The following EGFL8 variants were observed in gnomAD, a reference collection of about 807,000 sequenced individuals.
EGFL8 encodes the protein epidermal growth factor-like protein 8.
A neutral mutation model predicts 39.4 loss-of-function variants in EGFL8; 32 were observed. The ratio of observed to expected loss-of-function variants is 0.81; its 90% CI spans 0.61 to 1.09. EGFL8 has a LOEUF of 1.09. Ranked by LOEUF, EGFL8 falls within the 50% of genes least tolerant of loss-of-function variation. The pLI, the probability that EGFL8 is intolerant of heterozygous loss-of-function variation, is 0.00. For synonymous variants in EGFL8, 177 were observed against 168.5 expected (o/e 1.05, Z -0.39); for missense variants, 385 against 402.2 (o/e 0.96, Z 0.37).
At position 32,164,676 on chromosome 6, in the gene EGFL8, A is replaced by ACT; in HGVS notation, c.-29+19_-29+20insCT. The ACT allele has an allele frequency of 1.4e-6, 1 of 715,948 alleles. No individual in the cohort carries two copies. The highest frequency in any genetic ancestry group is 2.6e-6 in the Non-Finnish European group (1 of 384,442). The allele number at this position is 715,948 out of a possible 1,614,324, so 44.3% of individuals were successfully genotyped here. ...AAGCCAGGTGGGAATGGAGAGAGAG[A>ACT]GGAAGGCAAGTGGGGAGAGAATTTC... On this transcript the variant is annotated intron_variant, in intron 1 of 8. Coordinates refer to ENST00000333845, the MANE Select transcript of EGFL8 (RefSeq NM_030652.4). The surrounding 1 kb of genome is among the most constrained non-coding windows in gnomAD (Gnocchi z 5.4).
intron 1 of EGFL8, chr6:32,165,900 G>C (rs989551587): frequency 3.6e-6 from 2 of 561,244 alleles, no homozygotes; most frequent in East Asian, 5.5e-5. Context: ...GGTTAGAGGG[G>C]AGGTGGAGGG....
chr6:32,164,973 A>G lies in EGFL8; in HGVS notation c.-29+316A>G, dbSNP rs1411334863. On this transcript the variant is annotated intron_variant, in intron 1 of 8. Transcript: ENST00000333845. This position sits in a 1 kb window ranked among gnomAD's most constrained non-coding sequence, Gnocchi z 5.4. Reference sequence around the variant, plus strand: ...GTCGCCCAGGCTAGAGTGCAGTGGCATGATCTTGGTTCACTGCAACCTCTG... The same window carrying G: ...GTCGCCCAGGCTAGAGTGCAGTGGCGTGATCTTGGTTCACTGCAACCTCTG... Among the ~76,000 whole-genome samples the G allele has an allele frequency of 2.0e-5, 3 of 151,860 alleles. No homozygotes were observed. Among genetic ancestry groups the G allele is most frequent in the African/African-American group, 2.4e-5 (1 of 41,336 alleles).
In EGFL8 at chr6:32,164,598, A is replaced by C. The variant is rs745533512; in HGVS notation, c.-88A>C. On this transcript the variant is annotated 5_prime_UTR_variant, in exon 1 of 9. Transcript: ENST00000333845. The surrounding 1 kb of genome is among the most constrained non-coding windows in gnomAD (Gnocchi z 5.4). The stretch of plus-strand genomic sequence containing the variant: ...TCTTAGCCTGCCAGGCCCACCCACC[A>C]GTCTGAGCTGCTTCTGCTGAGGCTG... 5 of 718,438 alleles carry C rather than the reference A, an allele frequency of 7.0e-6. No individual in the cohort carries two copies. Among genetic ancestry groups the C allele is most frequent in the Non-Finnish European group, 1.3e-5 (5 of 386,044 alleles). The allele number at this position is 718,438 out of a possible 1,614,324, so 44.5% of individuals were successfully genotyped here. A position where few individuals can be genotyped will look rare whatever the true frequency, so the allele number is the denominator to read the frequency against.
chr6:32,166,715 T>C lies in EGFL8; in HGVS notation c.239T>C (p.Val80Ala). 6.2e-7 allele frequency: 1 copy of C among 1,603,770 alleles called. No homozygotes were observed. The highest frequency in any genetic ancestry group is 1.1e-5 in the South Asian group (1 of 90,328). ...ICSTYRTMYR[V>A]MWREVRREVQ... Reference sequence around the variant, plus strand: ...CTGTGTTCCAGGACCATGTACCGCGTTATGTGGCGGGAGGTGAGGCGGGAG... The same window carrying C: ...CTGTGTTCCAGGACCATGTACCGCGCTATGTGGCGGGAGGTGAGGCGGGAG... Residue 80 changes from valine (V) to alanine (A), a missense_variant, in exon 4 of 9, where the codon GTT (valine) becomes GCT (alanine). Physicochemically the swap from Val to Ala is moderately conservative, Grantham distance 64. Coordinates refer to ENST00000333845, the MANE Select transcript of EGFL8 (RefSeq NM_030652.4). The surrounding 1 kb of genome is among the most constrained non-coding windows in gnomAD (Gnocchi z 7.3).
intron 1 of EGFL8, chr6:32,165,672 T>C (rs1582636726): frequency 5.6e-6 from 1 of 177,290 alleles, no homozygotes; most frequent in East Asian, 1.4e-4. Context: ...TAATCCCAGC[T>C]ATTTGGGAGG....
Position 32,167,295 on chromosome 6 carries a change from G to T in EGFL8, c.601+38G>T. 6.2e-7 allele frequency: 1 copy of T among 1,612,202 alleles called. No homozygotes were observed. The highest frequency in any genetic ancestry group is 8.5e-7 in the Non-Finnish European group (1 of 1,179,564). On this transcript the variant is annotated intron_variant, in intron 6 of 8. Coordinates refer to ENST00000333845, the MANE Select transcript of EGFL8 (RefSeq NM_030652.4). This position sits in a 1 kb window ranked among gnomAD's most constrained non-coding sequence, Gnocchi z 6.4. ...GAGTACGGGCCACCCGAGGGACTCGGGACGGGCGTCCGGGCTCGGGTAGTG... is the reference window on the plus strand; with the variant it reads ...GAGTACGGGCCACCCGAGGGACTCGTGACGGGCGTCCGGGCTCGGGTAGTG...
chr6:32,166,858 T>C lies in EGFL8; in HGVS notation c.334+48T>C. 6.3e-7 allele frequency: 1 copy of C among 1,584,674 alleles called. No homozygotes were observed. Among genetic ancestry groups the C allele is most frequent in the Non-Finnish European group, 8.6e-7 (1 of 1,163,230 alleles). ...TTGCGGGAGGCGCGCCCCACGGAGCTGGGGAGCTGGGTCGTCGGTTTGAGT... is the reference window on the plus strand; with the variant it reads ...TTGCGGGAGGCGCGCCCCACGGAGCCGGGGAGCTGGGTCGTCGGTTTGAGT... On this transcript the variant is annotated intron_variant, in intron 4 of 8. Transcript: ENST00000333845. The surrounding 1 kb of genome is among the most constrained non-coding windows in gnomAD (Gnocchi z 7.3).
chr6:32,166,687 G>A lies in EGFL8; in HGVS notation c.225-14G>A. The A allele has an allele frequency of 1.9e-6, 3 of 1,613,258 alleles. No homozygotes were observed. Among genetic ancestry groups the A allele is most frequent in the Non-Finnish European group, 2.5e-6 (3 of 1,179,440 alleles). ...ACCCGTACTCAGGGTCCTGAGCCGG[G>A]CGCTGTGTTCCAGGACCATGTACCG... On this transcript the variant is annotated splice_polypyrimidine_tract_variant and intron_variant, in intron 3 of 8. Coordinates refer to ENST00000333845, the MANE Select transcript of EGFL8 (RefSeq NM_030652.4). The surrounding 1 kb of genome is among the most constrained non-coding windows in gnomAD (Gnocchi z 7.3).
rs1197580695 is a variant in EGFL8, at chr6:32,167,468, A to C, written c.682-35A>C. ...GCTGGGTGGGGCGAGGCCAGACGTC[A>C]CTGTCAATACCCTGAGGCATCTCTT... is the stretch of plus-strand genomic sequence containing the variant. On this transcript the variant is annotated intron_variant, in intron 7 of 8. Transcript: ENST00000333845. This position sits in a 1 kb window ranked among gnomAD's most constrained non-coding sequence, Gnocchi z 6.4. 16 of 1,611,228 alleles carry C rather than the reference A, an allele frequency of 9.9e-6. No individual in the cohort carries two copies. The highest frequency in any genetic ancestry group is 1.2e-5 in the Non-Finnish European group (14 of 1,179,998).
chr6:32,166,506 T>C lies in EGFL8; in HGVS notation c.110T>C (p.Val37Ala). 2 of 1,613,224 alleles carry C rather than the reference T, an allele frequency of 1.2e-6. No homozygotes were observed. The highest frequency in any genetic ancestry group is 1.7e-6 in the Non-Finnish European group (2 of 1,179,952). Reference protein sequence around the residue: ...KGGSLRESQGVCSKQTLVVPL... With the variant: ...KGGSLRESQGACSKQTLVVPL... ...CTCTGGCATGGACGCAGTCAGGGAG[T>C]CTGCTCCAAGCAGACACTGGTGGTC... is the stretch of plus-strand genomic sequence containing the variant. Residue 37 changes from valine (V) to alanine (A), a missense_variant, in exon 3 of 9, where the codon GTC becomes GCC. Transcript: ENST00000333845. The surrounding 1 kb of genome is among the most constrained non-coding windows in gnomAD (Gnocchi z 7.3).
rs3130347 is a variant in EGFL8, at chr6:32,166,879, T to C, written c.335-31T>C. The C allele has an allele frequency of 0.2, 320,222 of 1,592,856 alleles. 35,108 individuals are homozygous for C. Among genetic ancestry groups the C allele is most frequent in the Non-Finnish European group, 0.22 (262,080 of 1,167,784 alleles). ...GAGCTGGGGAGCTGGGTCGTCGGTT[T>C]GAGTCTGAACCCCACTTCCTCTGTC... On this transcript the variant is annotated intron_variant, in intron 4 of 8. Coordinates refer to ENST00000333845, the MANE Select transcript of EGFL8 (RefSeq NM_030652.4). This position sits in a 1 kb window ranked among gnomAD's most constrained non-coding sequence, Gnocchi z 7.3.
In EGFL8 at chr6:32,167,052, C is replaced by A; in HGVS notation, c.431-35C>A. On this transcript the variant is annotated intron_variant, in intron 5 of 8. Transcript: ENST00000333845. The surrounding 1 kb of genome is among the most constrained non-coding windows in gnomAD (Gnocchi z 6.4). ...ACCTACCCAGGTGCTTGCCCCCGCC[C>A]CCTCTCTCAGCCCCTTCCTTTTTTC... 6.2e-7 allele frequency: 1 copy of A among 1,612,976 alleles called. No individual in the cohort carries two copies. Among genetic ancestry groups the A allele is most frequent in the Non-Finnish European group, 8.5e-7 (1 of 1,180,000 alleles).
chr6:32,166,932 G>C lies in EGFL8; in HGVS notation c.357G>C (p.Leu119=), dbSNP rs1784550572. Residue 119 remains leucine (L), a synonymous_variant, in exon 5 of 9, where the codon CTG becomes CTC. Coordinates refer to ENST00000333845, the MANE Select transcript of EGFL8 (RefSeq NM_030652.4). This position sits in a 1 kb window ranked among gnomAD's most constrained non-coding sequence, Gnocchi z 7.3. ...TCEAICAKPC[L]NGGVCVRPDQ... ...CAGCCATCTGCGCCAAGCCTTGCCT[G>C]AACGGAGGCGTCTGCGTTAGGCCTG... The C allele has an allele frequency of 1.2e-6, 2 of 1,612,514 alleles. No homozygotes were observed. The highest frequency in any genetic ancestry group is 1.1e-5 in the South Asian group (1 of 90,996).
rs757859537 is a variant in EGFL8, at chr6:32,167,237, C to T, written c.581C>T (p.Ala194Val). The change falls in exon 6 of 9, where the codon GCC (alanine) becomes GTC (valine). Residue 194 changes from alanine to valine, a missense_variant. Physicochemically the swap from Ala to Val is moderately conservative, Grantham distance 64. Transcript: ENST00000333845. The surrounding 1 kb of genome is among the most constrained non-coding windows in gnomAD (Gnocchi z 6.4). ...MEGSPEPPTS[A>V]SILSVAVREA... Reference sequence around the variant, plus strand: ...GGGTCCCCAGAGCCCCCAACCAGTGCCAGCATACTCAGCGTGGCCGGTGAG... The same window carrying T: ...GGGTCCCCAGAGCCCCCAACCAGTGTCAGCATACTCAGCGTGGCCGGTGAG... 6.2e-7 allele frequency: 1 copy of T among 1,612,020 alleles called. No individual in the cohort carries two copies. Among genetic ancestry groups the T allele is most frequent in the African/African-American group, 1.3e-5 (1 of 74,934 alleles).
In EGFL8 at chr6:32,164,896, G is replaced by T. The variant is rs924139514; in HGVS notation, c.-29+239G>T. 4.0e-5 allele frequency among the ~76,000 whole-genome samples: 6 copies of T among 151,504 alleles called. No homozygotes were observed. The highest frequency in any genetic ancestry group is 7.3e-5 in the African/African-American group (3 of 41,302). On this transcript the variant is annotated intron_variant, in intron 1 of 8. Transcript: ENST00000333845. The surrounding 1 kb of genome is among the most constrained non-coding windows in gnomAD (Gnocchi z 5.4). ...ACGGTGTGAAGGTATATAGCTAGGG[G>T]TTTTTTTTGTTTGTTTGTTTTGTTT...
rs924139514 is a variant in EGFL8, at chr6:32,164,896, G to C, written c.-29+239G>C. 7.9e-5 allele frequency among the ~76,000 whole-genome samples: 12 copies of C among 151,506 alleles called. No individual in the cohort carries two copies. Among genetic ancestry groups the C allele is most frequent in the Admixed American group, 7.9e-4 (12 of 15,166 alleles). ...ACGGTGTGAAGGTATATAGCTAGGG[G>C]TTTTTTTTGTTTGTTTGTTTTGTTT... On this transcript the variant is annotated intron_variant, in intron 1 of 8. Coordinates refer to ENST00000333845, the MANE Select transcript of EGFL8 (RefSeq NM_030652.4). This position sits in a 1 kb window ranked among gnomAD's most constrained non-coding sequence, Gnocchi z 5.4.
Position 32,166,214 on chromosome 6 carries a change from C to G in EGFL8, c.49C>G (p.Leu17Val). 6.2e-7 allele frequency: 1 copy of G among 1,614,142 alleles called. No homozygotes were observed. Among genetic ancestry groups the G allele is most frequent in the South Asian group, 1.1e-5 (1 of 91,086 alleles). The change falls in exon 2 of 9, where the codon CTC becomes GTC. Residue 17 changes from leucine to valine, a missense_variant. Leu to Val is a conservative substitution (Grantham distance 32). Coordinates refer to ENST00000333845, the MANE Select transcript of EGFL8 (RefSeq NM_030652.4). This position sits in a 1 kb window ranked among gnomAD's most constrained non-coding sequence, Gnocchi z 7.3. ...LCTLLGGFSF[L>V]LLLIPGEGAK... Reference sequence around the variant, plus strand: ...CACTCTCTTAGGCGGATTCTCCTTCCTCCTGCTACTGATACCAGGCGAGGG... The same window carrying G: ...CACTCTCTTAGGCGGATTCTCCTTCGTCCTGCTACTGATACCAGGCGAGGG...
Position 32,167,417 on chromosome 6 carries a change from G to C in EGFL8, c.669G>C (p.Glu223Asp), listed in dbSNP as rs1411920564. Residue 223 changes from glutamate (E) to aspartate (D), a missense_variant, in exon 7 of 9, where the codon GAG becomes GAC. Coordinates refer to ENST00000333845, the MANE Select transcript of EGFL8 (RefSeq NM_030652.4). This position sits in a 1 kb window ranked among gnomAD's most constrained non-coding sequence, Gnocchi z 6.4. ...QEIHELRGRL[E>D]RLEQWAGQAG... ...TTCACGAGCTGCGAGGGCGCCTGGA[G>C]CGGCTGGAGCAGGTGAGCCAAGCCT... is the stretch of plus-strand genomic sequence containing the variant. The C allele has an allele frequency of 6.2e-7, 1 of 1,612,808 alleles. No individual in the cohort carries two copies.
rs568874520 is a variant in EGFL8, at chr6:32,164,792, G to A, written c.-29+135G>A. 2.9e-4 allele frequency: 184 copies of A among 635,294 alleles called. No homozygotes were observed. The highest frequency in any genetic ancestry group is 4.5e-4 in the Non-Finnish European group (154 of 343,838). The allele number at this position is 635,294 out of a possible 1,614,324, so 39.4% of individuals were successfully genotyped here. A position where few individuals can be genotyped will look rare whatever the true frequency, so the allele number is the denominator to read the frequency against. On this transcript the variant is annotated intron_variant, in intron 1 of 8. Transcript: ENST00000333845. The surrounding 1 kb of genome is among the most constrained non-coding windows in gnomAD (Gnocchi z 5.4). Reference sequence around the variant, plus strand: ...GGAGCAAGGGATGTGCATTTAGGGCGTTATGTGACGGTGTGGGTATATGAG... The same window carrying A: ...GGAGCAAGGGATGTGCATTTAGGGCATTATGTGACGGTGTGGGTATATGAG...
Sources: allele counts gnomAD v4.1 joint callset (sites outside exome capture counted in the v4.1 genomes callset), GRCh38; gene constraint gnomAD v4.1.1; non-coding constraint Gnocchi (gnomAD v3.1); transcripts MANE v1.5; gene names NCBI Gene and HGNC (gene_info 2026-07-23, HGNC 2026-07-21).